LRP4: variants seen among roughly 807,000 people sequenced by gnomAD.
The protein encoded by LRP4 is LDL receptor related protein 4.
LRP4 carries 95 observed loss-of-function variants against 220.3 expected under a neutral mutation model. That is an observed-to-expected ratio of 0.43 (90% CI 0.37 to 0.51). The LOEUF (loss-of-function observed/expected upper bound fraction) is 0.51, where lower values mean the gene tolerates loss of function less well. LRP4 is among the 20% of genes least tolerant of loss of function. The pLI is 0.00. For synonymous variants in LRP4, 903 were observed against 954.6 expected, an observed-to-expected ratio of 0.95 and a Z score of 1.00; for missense variants, 1,925 against 2,567.0, an observed-to-expected ratio of 0.75 and a Z score of 5.40.
rs142904009 is a variant in LRP4, at chr11:46,876,614, C to T, written c.3388G>A (p.Ala1130Thr). 3.5e-5 allele frequency: 57 copies of T among 1,614,046 alleles called. No homozygotes were observed. The highest frequency in any genetic ancestry group is 4.0e-5 in the Non-Finnish European group (47 of 1,180,050). The stretch of plus-strand genomic sequence containing the variant: ...ACTTTCCGGCCAATGGCATCAACCG[C>T]GAGCCCATCTGTGGTCTGTAGCCCT... ...TTGLQTTDGL[A>T]VDAIGRKVYW... Residue 1130 changes from alanine to threonine, a missense_variant, in exon 25 of 38, where the codon GCG (alanine) becomes ACG (threonine). Ala to Thr is a moderately conservative substitution (Grantham distance 58). Around this residue, in one of 3 missense-constraint regions of LRP4, gnomAD observed 1,244 missense variants for 1,624.9 expected, o/e 0.77. Coordinates refer to ENST00000378623, the MANE Select transcript of LRP4 (RefSeq NM_002334.4).
At chr11:46,877,386 A>T (rs1271248170) in intron 22 of LRP4, 47 bp from the exon 23 acceptor site, 1 of 1,611,274 alleles carries the variant, frequency 6.2e-7, no homozygotes, top group South Asian at 1.1e-5. Context: ...CACAGCCATT[A>T]AATGGATTTG....
chr11:46,918,247 G>C lies in LRP4; in HGVS notation c.52+81C>G. 2 of 1,423,532 alleles carry C rather than the reference G, an allele frequency of 1.4e-6. No individual in the cohort carries two copies. The highest frequency in any genetic ancestry group is 1.9e-6 in the Non-Finnish European group (2 of 1,059,526). The allele number at this position is 1,423,532 out of a possible 1,614,324, so 88.2% of individuals were successfully genotyped here. On this transcript the variant is annotated intron_variant, in intron 1 of 37. Coordinates refer to ENST00000378623, the MANE Select transcript of LRP4 (RefSeq NM_002334.4). The surrounding 1 kb of genome is among the most constrained non-coding windows in gnomAD (Gnocchi z 6.0). ...CGAGGGCGAGGGGTCTCAGGCCCCG[G>C]CCCGCGCCGTCCAGGTCCCGGGAGG...
At chr11:46,881,356 CAA>C (rs1173736794) in intron 20 of LRP4, among the ~76,000 whole-genome samples, 1 of 152,090 alleles carries the variant, frequency 6.6e-6, no homozygotes, top group Admixed American at 6.5e-5. Context: ...AAAACAAAAA[CAA>C]AAAGAGATGA....
chr11:46,915,504 G>A (rs1941934397), intron 1 of LRP4, among the ~76,000 whole-genome samples: 1 of 152,174 alleles, frequency 6.6e-6, no homozygotes, highest in African/African-American at 2.4e-5. Context: ...TAGGCTCTAG[G>A]AAAAGCCCCA....
Position 46,899,318 on chromosome 11 carries a change from G to T in LRP4, c.547+69C>A. On this transcript the variant is annotated intron_variant, in intron 5 of 37. Transcript: ENST00000378623. The surrounding 1 kb of genome is among the most constrained non-coding windows in gnomAD (Gnocchi z 5.9). ...CTTGGTACATGCACTCCTCAGCCTC[G>T]CCCTTAGCCAATGGGCAGAACTGTC... is the stretch of plus-strand genomic sequence containing the variant. 5 of 1,269,416 alleles carry T rather than the reference G, an allele frequency of 3.9e-6. No individual in the cohort carries two copies. In the South Asian group the frequency reaches 4.8e-5, roughly 12 times the overall value. The allele number at this position is 1,269,416 out of a possible 1,614,324, so 78.6% of individuals were successfully genotyped here.
In LRP4 at chr11:46,873,153, G is replaced by C; in HGVS notation, c.4530C>G (p.Ile1510Met). 1 of 1,614,194 alleles carries C rather than the reference G, an allele frequency of 6.2e-7. No individual in the cohort carries two copies. The highest frequency in any genetic ancestry group is 8.5e-7 in the Non-Finnish European group (1 of 1,180,034). ...CATTGGGCCAACCCAGGTCTGTGTT[G>C]ATGAGGACCTTCCGCTCAGAACCAT... ...NLDGSERKVL[I>M]NTDLGWPNGL... Residue 1510 changes from isoleucine (I) to methionine (M), a missense_variant, in exon 30 of 38, where the codon ATC becomes ATG. Physicochemically the swap from Ile to Met is conservative, Grantham distance 10. Coordinates refer to ENST00000378623, the MANE Select transcript of LRP4 (RefSeq NM_002334.4). This position sits in a 1 kb window ranked among gnomAD's most constrained non-coding sequence, Gnocchi z 4.2.
Position 46,873,216 on chromosome 11 carries a change from G to C in LRP4, c.4467C>G (p.Asp1489Glu). Residue 1489 changes from aspartate (D) to glutamate (E), a missense_variant, in exon 30 of 38, where the codon GAC becomes GAG. Transcript: ENST00000378623. This position sits in a 1 kb window ranked among gnomAD's most constrained non-coding sequence, Gnocchi z 4.2. The stretch of plus-strand genomic sequence containing the variant: ...GTTCGATCTTGGCAATGTGGCCCCA[G>C]TCTGTCCAGAAGAGGTACCTGAGAC... ...FPRKGYLFWT[D>E]WGHIAKIERA... 1 of 1,614,178 alleles carries C rather than the reference G, an allele frequency of 6.2e-7. No individual in the cohort carries two copies. Among genetic ancestry groups the C allele is most frequent in the Non-Finnish European group, 8.5e-7 (1 of 1,180,030 alleles).
Position 46,899,333 on chromosome 11 carries a change from G to T in LRP4, c.547+54C>A. 1.4e-6 allele frequency: 2 copies of T among 1,404,158 alleles called. No individual in the cohort carries two copies. The highest frequency in any genetic ancestry group is 1.2e-5 in the South Asian group (1 of 86,836). The allele number at this position is 1,404,158 out of a possible 1,614,324, so 87.0% of individuals were successfully genotyped here. ...CCTCAGCCTCGCCCTTAGCCAATGG[G>T]CAGAACTGTCTGCCCTCATCCAACC... On this transcript the variant is annotated intron_variant, in intron 5 of 37. Coordinates refer to ENST00000378623, the MANE Select transcript of LRP4 (RefSeq NM_002334.4). This position sits in a 1 kb window ranked among gnomAD's most constrained non-coding sequence, Gnocchi z 5.9.
At chr11:46,866,821 G>A (rs184904612) in intron 34 of LRP4, among the ~76,000 whole-genome samples, 103 of 152,208 alleles carry the variant, frequency 6.8e-4, no homozygotes, top group Non-Finnish European at 1.1e-3. Context: ...CTGGGTGGCT[G>A]AAGTAGGAGG....
intron 31 of LRP4, 130 bp from the exon 32 acceptor site, chr11:46,869,262 T>C (rs1455920518): frequency 5.8e-6 from 5 of 859,818 alleles, no homozygotes; most frequent in Non-Finnish European, 9.5e-6. Flanking sequence ...TCCTCATTTC[T>C]GTGCATCAAC....
chr11:46,863,105 C>G (rs184521637), intron 36 of LRP4, among the ~76,000 whole-genome samples: 2 of 152,216 alleles, frequency 1.3e-5, no homozygotes, highest in African/African-American at 4.8e-5. Flanking sequence ...AGGAAGGCCT[C>G]CAGCCAACAG....
chr11:46,866,016 T>C (rs1940687253), intron 34 of LRP4, among the ~76,000 whole-genome samples: 1 of 152,168 alleles, frequency 6.6e-6, no homozygotes, highest in Non-Finnish European at 1.5e-5. Context: ...TTAGGGACAT[T>C]GAGTCTAAAG....
chr11:46,908,192 A>C (rs1325127411), intron 1 of LRP4, among the ~76,000 whole-genome samples: 1 of 152,176 alleles, frequency 6.6e-6, no homozygotes, highest in Non-Finnish European at 1.5e-5. Flanking sequence ...GGCCTCCCAA[A>C]GTGCTGGGAT....
At chr11:46,904,936 A>G (rs1941734718) in intron 1 of LRP4, among the ~76,000 whole-genome samples, 1 of 132,986 alleles carries the variant, frequency 7.5e-6, no homozygotes, top group Non-Finnish European at 1.5e-5. Context: ...TGATCTCACC[A>G]CTGCACTCCA....
At chr11:46,887,314 G>A (rs1281170748) in intron 16 of LRP4, among the ~76,000 whole-genome samples, 1 of 152,200 alleles carries the variant, frequency 6.6e-6, no homozygotes, top group Non-Finnish European at 1.5e-5. Context: ...CTAGGGCTGG[G>A]AAATCCTTAA....
At chr11:46,914,974 G>A (rs996040567) in intron 1 of LRP4, among the ~76,000 whole-genome samples, 14 of 152,268 alleles carry the variant, frequency 9.2e-5, no homozygotes, top group African/African-American at 3.1e-4. Flanking sequence ...GTGACCTCCT[G>A]TGTTCTTTGC....
intron 34 of LRP4, 99 bp downstream of exon 34, chr11:46,867,880 A>T: frequency 7.0e-7 from 1 of 1,436,966 alleles, no homozygotes; most frequent in Non-Finnish European, 9.7e-7. Flanking sequence ...TCCTGACATA[A>T]TCTATCTCCC....
chr11:46,863,713 T>C (rs1940620312), intron 36 of LRP4, among the ~76,000 whole-genome samples: 1 of 151,672 alleles, frequency 6.6e-6, no homozygotes, highest in South Asian at 2.1e-4. Context: ...GAGCCAAGAT[T>C]GCACCACTGC....
In LRP4 at chr11:46,918,510, C is replaced by T; in HGVS notation, c.-131G>A. 1 of 517,668 alleles carries T rather than the reference C, an allele frequency of 1.9e-6. No individual in the cohort carries two copies. The highest frequency in any genetic ancestry group is 2.7e-6 in the Non-Finnish European group (1 of 374,274). The allele number at this position is 517,668 out of a possible 1,614,324, so 32.1% of individuals were successfully genotyped here. A position where few individuals can be genotyped will look rare whatever the true frequency, so the allele number is the denominator to read the frequency against. ...CGGCCTGCGCGCCCCGCAAGTCGCC[C>T]TCGGGCCGCCGCCGCCTCCAGTGCT... On this transcript the variant is annotated 5_prime_UTR_variant, in exon 1 of 38. Transcript: ENST00000378623. This position sits in a 1 kb window ranked among gnomAD's most constrained non-coding sequence, Gnocchi z 6.0.
Sources: gnomAD v4.1 joint callset for allele counts (sites outside exome capture counted in the v4.1 genomes callset) on GRCh38, gnomAD v4.1.1 for gene constraint, gnomAD v4.1.1 regional missense constraint, Gnocchi (gnomAD v3.1) non-coding constraint, MANE v1.5 for transcripts, NCBI Gene and HGNC (gene_info 2026-07-23, HGNC 2026-07-21) for gene names.